PYGB: variants seen among roughly 807,000 people sequenced by gnomAD.
The protein encoded by PYGB is glycogen phosphorylase, brain form.
PYGB carries 82 observed loss-of-function variants against 94.3 expected under a neutral mutation model. The ratio of observed to expected loss-of-function variants is 0.87; its 90% CI spans 0.73 to 1.04. The LOEUF is 1.04. Ranked by LOEUF, PYGB falls within the 50% of genes least tolerant of loss-of-function variation. The pLI, the probability that PYGB is intolerant of heterozygous loss-of-function variation, is 0.00. For missense variants in PYGB, 1,132 were observed against 1,158.2 expected, an observed-to-expected ratio of 0.98 and a Z score of 0.33; for synonymous variants, 488 against 479.1, an observed-to-expected ratio of 1.02 and a Z score of -0.24.
At chr20:25,294,072 G>A in intron 17 of PYGB, 86 bp from the exon 18 acceptor site, 1 of 1,547,934 alleles carries the variant, frequency 6.5e-7, no homozygotes, top group Non-Finnish European at 8.7e-7. Context: ...CTGGGGCAGG[G>A]GCTGTGCCAG....
intron 7 of PYGB, among the ~76,000 whole-genome samples, chr20:25,277,819 C>T (rs1340231885): frequency 2.0e-5 from 3 of 152,280 alleles, no homozygotes; most frequent in Non-Finnish European, 4.4e-5. Flanking sequence ...ATGTTCCCCA[C>T]TGCCACCTGC....
chr20:25,294,746 CATT>C (rs1248731961), intron 18 of PYGB: 24 of 635,078 alleles, frequency 3.8e-5, no homozygotes, highest in Middle Eastern at 4.1e-4. Flanking sequence ...AACGATGTGA[CATT>C]ATAATGTAGT....
intron 1 of PYGB, among the ~76,000 whole-genome samples, chr20:25,254,545 G>A (rs959267155): frequency 6.6e-6 from 1 of 152,142 alleles, no homozygotes; most frequent in Non-Finnish European, 1.5e-5. Flanking sequence ...AGAGAAGTTC[G>A]GTTAACAGTG....
intron 18 of PYGB, 62 bp from the exon 19 acceptor site, chr20:25,295,542 C>A: frequency 1.3e-6 from 2 of 1,542,312 alleles, no homozygotes; most frequent in Non-Finnish European, 1.8e-6. Flanking sequence ...GGACTCTCCC[C>A]TCGGGACAGT....
intron 2 of PYGB, among the ~76,000 whole-genome samples, chr20:25,264,269 A>G (rs1568685985): frequency 6.6e-6 from 1 of 152,256 alleles, no homozygotes. Context: ...TATTGATGGA[A>G]CATATCTCAA....
At chr20:25,292,003 A>C (rs1470253553) in intron 16 of PYGB, among the ~76,000 whole-genome samples, 1 of 152,144 alleles carries the variant, frequency 6.6e-6, no homozygotes, top group African/African-American at 2.4e-5. Context: ...ATTCTGGTCT[A>C]CATTCCTCCT....
At chr20:25,289,721 C>T (rs2088448736) in intron 15 of PYGB, 6 of 425,738 alleles carry the variant, frequency 1.4e-5, no homozygotes, top group South Asian at 1.1e-4. Flanking sequence ...AAACCATAAA[C>T]CTGTCACCCA....
At chr20:25,292,268 G>GAGCAGGGAGTGGT in intron 16 of PYGB, 138 bp from the exon 17 acceptor site, 1 of 1,003,908 alleles carries the variant, frequency 1.0e-6, no homozygotes, top group Non-Finnish European at 1.4e-6. Flanking sequence ...GCGGGAGTGG[G>GAGCAGGGAGTGGT]GGCTGGAGCG....
intron 9 of PYGB, among the ~76,000 whole-genome samples, chr20:25,279,489 G>A (rs567126690): frequency 4.7e-4 from 72 of 152,276 alleles, no homozygotes; most frequent in Non-Finnish European, 8.1e-4. Flanking sequence ...CTGCCCTCGC[G>A]ATTCAGTGTA....
chr20:25,274,861 A>T lies in PYGB; in HGVS notation c.660+138A>T. On this transcript the variant is annotated intron_variant, in intron 5 of 19. Transcript: ENST00000216962. ...GAGGACTTAAGGTAAAAGCCGGGGG[A>T]GGTTTATTCTCCTCACTCCCCAGTC... 4 of 1,328,214 alleles carry T rather than the reference A, an allele frequency of 3.0e-6. No homozygotes were observed. The South Asian group carries it at 5.6e-5, about 19-fold the overall frequency. 82.3% of individuals were successfully genotyped at this position (1,328,214 alleles called of 1,614,324 possible).
At position 25,274,712 on chromosome 20, in the gene PYGB, CT is replaced by C; in HGVS notation, c.650del (p.Leu217ArgfsTer78). The C allele has an allele frequency of 6.2e-7, 1 of 1,612,678 alleles. No homozygotes were observed. The highest frequency in any genetic ancestry group is 8.5e-7 in the Non-Finnish European group (1 of 1,179,772). ...GCACACCCCCGACGGCGTGAAGTGGCTGGACACACAGGTACCTGGGCTGAAA... is the reference window on the plus strand; with the variant it reads ...GCACACCCCCGACGGCGTGAAGTGGCGGACACACAGGTACCTGGGCTGAAA... ...VEHTPDGVKW[L>X]DTQVVLAMPY... is the part of the protein sequence containing the mutation. On this transcript the variant is annotated frameshift_variant, in exon 5 of 20. Transcript: ENST00000216962. LOFTEE classifies it high-confidence loss of function.
intron 2 of PYGB, among the ~76,000 whole-genome samples, chr20:25,259,922 G>A (rs1251204921): frequency 6.6e-6 from 1 of 152,164 alleles, no homozygotes; most frequent in African/African-American, 2.4e-5. Context: ...TGAGTCTCTA[G>A]AGTATAACCT....
intron 5 of PYGB, 71 bp from the exon 6 acceptor site, chr20:25,276,575 G>T (rs1187404218): frequency 1.5e-6 from 2 of 1,348,158 alleles, no homozygotes; most frequent in South Asian, 1.2e-5. Flanking sequence ...GAGGAGGCTG[G>T]GCCGGGGAGA....
chr20:25,252,239 C>A (rs1338977580), intron 1 of PYGB, among the ~76,000 whole-genome samples: 3 of 152,228 alleles, frequency 2.0e-5, no homozygotes, highest in Non-Finnish European at 4.4e-5. Flanking sequence ...GATGGAGAAG[C>A]CTACAGTGTG....
chr20:25,279,341 G>T (rs747021643), intron 9 of PYGB, among the ~76,000 whole-genome samples, 192 bp downstream of exon 9: 2 of 152,062 alleles, frequency 1.3e-5, no homozygotes, highest in African/African-American at 2.4e-5. Context: ...CAGAGTATGG[G>T]GTCAGGGCGC....
chr20:25,264,682 T>A (rs1237544598), intron 2 of PYGB, among the ~76,000 whole-genome samples: 3 of 152,076 alleles, frequency 2.0e-5, no homozygotes, highest in East Asian at 3.8e-4. Flanking sequence ...CACAATTGCT[T>A]CAAAGAGAAT....
intron 17 of PYGB, 115 bp downstream of exon 17, chr20:25,292,728 C>T: frequency 7.7e-7 from 1 of 1,293,906 alleles, no homozygotes; most frequent in African/African-American, 1.5e-5. Flanking sequence ...GTGCTAGGGT[C>T]AGTGCCCACC....
chr20:25,296,209 C>T (rs762604212), intron 19 of PYGB, among the ~76,000 whole-genome samples, 161 bp from the exon 20 acceptor site: 3 of 152,144 alleles, frequency 2.0e-5, no homozygotes, highest in Non-Finnish European at 4.4e-5. Context: ...CCGTGGGGTC[C>T]CCTTTTCAAC....
At chr20:25,283,555 G>GC (rs891442652) in intron 13 of PYGB, among the ~76,000 whole-genome samples, 3 of 152,206 alleles carry the variant, frequency 2.0e-5, no homozygotes, top group African/African-American at 7.2e-5. Flanking sequence ...TCGACCCTCT[G>GC]CCACAGGTCA....
Sources: allele counts gnomAD v4.1 joint callset (sites outside exome capture counted in the v4.1 genomes callset), GRCh38; gene constraint gnomAD v4.1.1; transcripts MANE v1.5; gene names NCBI Gene and HGNC (gene_info 2026-07-23, HGNC 2026-07-21).